CNTN5: variants seen among roughly 807,000 people sequenced by gnomAD.
The protein encoded by CNTN5 is contactin 5, also known as contactin-5.
In CNTN5, 77 loss-of-function variants were observed where a neutral mutation model predicts 129.1. That is an observed-to-expected ratio of 0.60 (90% CI 0.50 to 0.72). The LOEUF (loss-of-function observed/expected upper bound fraction) is 0.72. Among genes scored for constraint, CNTN5 ranks in the 30% least tolerant of loss-of-function variants. The pLI, the probability that CNTN5 is intolerant of heterozygous loss-of-function variation, is 0.00. For missense variants in CNTN5, 1,478 were observed against 1,328.8 expected (o/e 1.11, Z -1.75); for synonymous variants, 509 against 465.6 (o/e 1.09, Z -1.20).
intron 1 of CNTN5, among the ~76,000 whole-genome samples, chr11:99,303,304 A>G (rs1411741242): frequency 1.3e-5 from 2 of 151,964 alleles, no homozygotes; most frequent in East Asian, 3.9e-4. Context: ...GTAAGCGCTT[A>G]ACTCACTATT....
intron 13 of CNTN5, among the ~76,000 whole-genome samples, chr11:100,155,113 G>A (rs1947194991): frequency 6.6e-6 from 1 of 152,074 alleles, no homozygotes; most frequent in Non-Finnish European, 1.5e-5. Flanking sequence ...TGTCCTGAAT[G>A]GTATTGCTTA....
At chr11:99,640,630 T>G (rs530086938) in intron 3 of CNTN5, among the ~76,000 whole-genome samples, 1 of 152,350 alleles carries the variant, frequency 6.6e-6, no homozygotes, top group Non-Finnish European at 1.5e-5. Flanking sequence ...TTCTATGTTT[T>G]AATTACCATT....
chr11:99,868,253 A>G (rs1948409217), intron 6 of CNTN5, among the ~76,000 whole-genome samples: 1 of 152,114 alleles, frequency 6.6e-6, no homozygotes, highest in Admixed American at 6.6e-5. Context: ...ATTCTACATA[A>G]AACAATCAGA....
At chr11:99,126,183 C>T (rs1418725564) in intron 1 of CNTN5, among the ~76,000 whole-genome samples, 5 of 152,176 alleles carry the variant, frequency 3.3e-5, no homozygotes, top group South Asian at 2.1e-4. Flanking sequence ...AAATGTCCAC[C>T]GCAGCTCAAT....
intron 2 of CNTN5, among the ~76,000 whole-genome samples, chr11:99,403,551 G>A (rs1387252743): frequency 6.6e-6 from 1 of 151,726 alleles, no homozygotes; most frequent in Non-Finnish European, 1.5e-5. Context: ...TGTTATGTTT[G>A]GTTTCCATTA....
At chr11:99,608,666 G>A (rs1464336150) in intron 3 of CNTN5, among the ~76,000 whole-genome samples, 1 of 152,166 alleles carries the variant, frequency 6.6e-6, no homozygotes, top group African/African-American at 2.4e-5. Context: ...TATCCTCAGA[G>A]CCTCCAGAAC....
chr11:99,774,272 TA>T (rs138859607), intron 3 of CNTN5, among the ~76,000 whole-genome samples: 5,396 of 140,444 alleles, frequency 0.038, 143 homozygotes, highest in South Asian at 0.11. Context: ...ATCAGAGTGA[TA>T]AAAAAAAAAA....
At chr11:99,689,676 A>T (rs1953959441) in intron 3 of CNTN5, among the ~76,000 whole-genome samples, 1 of 151,302 alleles carries the variant, frequency 6.6e-6, no homozygotes, top group Admixed American at 6.6e-5. Flanking sequence ...TTCTGTAATT[A>T]TCAGTGTTGT....
chr11:99,353,725 T>A (rs999582345), intron 2 of CNTN5, among the ~76,000 whole-genome samples: 4 of 152,222 alleles, frequency 2.6e-5, no homozygotes, highest in African/African-American at 9.6e-5. Flanking sequence ...TGCCTAAGAA[T>A]GAGGTTAATT....
At chr11:99,463,125 A>AAATAAATAAATG (rs1944786339) in intron 2 of CNTN5, among the ~76,000 whole-genome samples, 1 of 148,014 alleles carries the variant, frequency 6.8e-6, no homozygotes, top group Non-Finnish European at 1.5e-5. Context: ...ATAAATAAAT[A>AAATAAATAAATG]AATAAATAAA....
Position 99,108,530 on chromosome 11 carries a change from A to G in CNTN5, c.-210+87260A>G, listed in dbSNP as rs575210747. 1.8e-4 allele frequency among the ~76,000 whole-genome samples: 27 copies of G among 152,252 alleles called. 1 individual carries two copies. Among genetic ancestry groups the G allele is most frequent in the African/African-American group, 5.8e-4 (24 of 41,556 alleles). On this transcript the variant is annotated intron_variant, in intron 1 of 24. Transcript: ENST00000524871. Reference sequence around the variant, plus strand: ...TAAATCCCATTTTTATATTTTTTTAACTATACACTCCACGACATGGTTTAG... The same window carrying G: ...TAAATCCCATTTTTATATTTTTTTAGCTATACACTCCACGACATGGTTTAG...
chr11:99,342,564 G>A (rs1431157060), intron 2 of CNTN5, among the ~76,000 whole-genome samples: 22 of 62,450 alleles, frequency 3.5e-4, no homozygotes, highest in African/African-American at 1.6e-3. Flanking sequence ...GCGAAACCCC[G>A]TTATCTCAAA....
chr11:99,966,585 C>G (rs1479828971), intron 8 of CNTN5, among the ~76,000 whole-genome samples: 1 of 152,170 alleles, frequency 6.6e-6, no homozygotes, highest in Non-Finnish European at 1.5e-5. Context: ...AGGTTGCCCT[C>G]AAGTTGCAGC....
At chr11:99,305,069 T>C (rs1408912446) in intron 1 of CNTN5, among the ~76,000 whole-genome samples, 3 of 152,142 alleles carry the variant, frequency 2.0e-5, no homozygotes, top group Non-Finnish European at 4.4e-5. Flanking sequence ...AATGTCAAAG[T>C]GGTTGATTTA....
intron 3 of CNTN5, among the ~76,000 whole-genome samples, chr11:99,815,397 G>A (rs1357699280): frequency 6.6e-6 from 1 of 152,140 alleles, no homozygotes; most frequent in Non-Finnish European, 1.5e-5. Flanking sequence ...ATATGTCATA[G>A]AAAAGGGCTG....
chr11:99,404,628 A>C (rs1382321837), intron 2 of CNTN5, among the ~76,000 whole-genome samples: 1 of 152,144 alleles, frequency 6.6e-6, no homozygotes, highest in Non-Finnish European at 1.5e-5. Context: ...ACAAGCTAAA[A>C]CAAGGCTAGT....
intron 3 of CNTN5, among the ~76,000 whole-genome samples, chr11:99,597,892 A>T (rs1458990539): frequency 6.6e-6 from 1 of 152,166 alleles, no homozygotes; most frequent in East Asian, 1.9e-4. Context: ...TGAATGCCAT[A>T]GCATCTCCTT....
At chr11:99,316,083 A>G (rs1351274674) in intron 1 of CNTN5, among the ~76,000 whole-genome samples, 2 of 152,118 alleles carry the variant, frequency 1.3e-5, no homozygotes, top group African/African-American at 4.8e-5. Context: ...TAGAGGAACC[A>G]TTCCTGTTTT....
intron 2 of CNTN5, among the ~76,000 whole-genome samples, chr11:99,459,818 T>C (rs762309332): frequency 1.3e-5 from 2 of 151,960 alleles, no homozygotes; most frequent in Non-Finnish European, 1.5e-5. Context: ...TCATGAGAAC[T>C]GGTAACAAAA....
Sources: gnomAD v4.1 joint callset for allele counts (sites outside exome capture counted in the v4.1 genomes callset) on GRCh38, gnomAD v4.1.1 for gene constraint, MANE v1.5 for transcripts, NCBI Gene and HGNC (gene_info 2026-07-23, HGNC 2026-07-21) for gene names.